ADNP: variants seen among roughly 807,000 people sequenced by gnomAD.
The protein encoded by ADNP is activity-dependent neuroprotector homeobox protein.
A neutral mutation model predicts 84.9 loss-of-function variants in ADNP; 4 were observed. The observed-to-expected ratio is 0.05, with a 90% confidence interval of 0.02 to 0.11. The LOEUF (loss-of-function observed/expected upper bound fraction) is 0.11, where lower values mean the gene tolerates loss of function less well. ADNP is among the 10% of genes least tolerant of loss of function. ADNP has a pLI of 1.00. For synonymous variants in ADNP, 554 were observed against 468.1 expected (o/e 1.18, Z -2.37); for missense variants, 1,132 against 1,326.0 (o/e 0.85, Z 2.27).
At chr20:50,920,262 C>CA (rs56181933) in intron 2 of ADNP, among the ~76,000 whole-genome samples, 5,916 of 64,350 alleles carry the variant, frequency 0.092, 214 homozygotes, top group Non-Finnish European at 0.12. Flanking sequence ...ATTCCACCTC[C>CA]AAAAAAAAAA....
At chr20:50,926,761 GT>G (rs1301995639) in intron 2 of ADNP, among the ~76,000 whole-genome samples, 5 of 152,024 alleles carry the variant, frequency 3.3e-5, no homozygotes, top group African/African-American at 7.2e-5. Context: ...ATGCAGTTTT[GT>G]TACTTATATA....
At chr20:50,930,583 G>C (rs1377337353) in intron 1 of ADNP, among the ~76,000 whole-genome samples, 1 of 152,184 alleles carries the variant, frequency 6.6e-6, no homozygotes, top group Non-Finnish European at 1.5e-5. Flanking sequence ...GCGGAGAAGG[G>C]GGTCGGGCTG....
At position 50,902,036 on chromosome 20, in the gene ADNP, G is replaced by A; in HGVS notation, c.182C>T (p.Pro61Leu). Residue 61 changes from proline to leucine, a missense_variant, in exon 5 of 6, where the codon CCA becomes CTA. Pro to Leu is a moderately conservative substitution (Grantham distance 98). Around this residue, in one of 10 missense-constraint regions of ADNP, gnomAD observed 56 missense variants for 94.6 expected, o/e 0.59. Coordinates refer to ENST00000621696, the MANE Select transcript of ADNP (RefSeq NM_001282531.3). ...ACTTACCTGGTTTTTCGTAAGTGAT[G>A]GGTCCCACAGTCCTACATCCTCCCA... The part of the protein sequence containing the change: ...TTWEDVGLWD[P>L]SLTKNQDYRT... 6.2e-7 allele frequency: 1 copy of A among 1,613,624 alleles called. No homozygotes were observed. The highest frequency in any genetic ancestry group is 8.5e-7 in the Non-Finnish European group (1 of 1,179,626).
intron 5 of ADNP, among the ~76,000 whole-genome samples, chr20:50,899,493 G>C (rs2143536): frequency 0.036 from 5,428 of 152,266 alleles, 223 homozygotes; most frequent in African/African-American, 0.086. Flanking sequence ...TTATAGGCAT[G>C]AGCCCAGCGC....
At position 50,904,852 on chromosome 20, in the gene ADNP, T is replaced by TTAAAAC. The variant is rs1165768385; in HGVS notation, c.-89-9_-89-4dup. The TTAAAAC allele has an allele frequency of 6.6e-6, 1 of 151,710 alleles. No homozygotes were observed. The highest frequency in any genetic ancestry group is 1.5e-5 in the Non-Finnish European group (1 of 67,844). The allele number at this position is 151,710 out of a possible 1,614,324, so 9.4% of individuals were successfully genotyped here. ...GTCCTGCCTACTGCTACGGTATTCTTTAAAACAAAAACAAAAACAAAAACA... is the reference window on the plus strand; with the variant it reads ...GTCCTGCCTACTGCTACGGTATTCTTTAAAACTAAAACAAAAACAAAAACAAAAACA... On this transcript the variant is annotated splice_polypyrimidine_tract_variant and splice_region_variant and intron_variant, in intron 2 of 5. Transcript: ENST00000621696.
intron 2 of ADNP, among the ~76,000 whole-genome samples, chr20:50,915,469 C>T (rs1983437903): frequency 6.6e-6 from 1 of 152,192 alleles, no homozygotes; most frequent in East Asian, 1.9e-4. Context: ...TACAGCCAGA[C>T]TGGAAACAAT....
intron 3 of ADNP, chr20:50,904,216 C>T (rs1982260187): frequency 1.9e-6 from 1 of 539,244 alleles, no homozygotes; most frequent in Admixed American, 3.2e-5. Flanking sequence ...TTTCTTAAGA[C>T]AGAGTCTTAC....
chr20:50,925,076 G>A (rs1202465930), intron 2 of ADNP, among the ~76,000 whole-genome samples: 1 of 152,128 alleles, frequency 6.6e-6, no homozygotes. Context: ...ACCAAAGCTT[G>A]TGAGTGAAAT....
chr20:50,930,425 G>T (rs984840246), intron 1 of ADNP, among the ~76,000 whole-genome samples: 20 of 151,466 alleles, frequency 1.3e-4, no homozygotes, highest in African/African-American at 4.6e-4. Flanking sequence ...AGGCATGGGG[G>T]TGTGCGTGGG....
chr20:50,916,727 G>A (rs1202113489), intron 2 of ADNP, among the ~76,000 whole-genome samples: 4 of 152,268 alleles, frequency 2.6e-5, no homozygotes, highest in African/African-American at 9.6e-5. Context: ...AAAATATGCA[G>A]TGCCTTTTCA....
At chr20:50,903,060 A>G (rs1161515957) in intron 4 of ADNP, among the ~76,000 whole-genome samples, 3 of 152,252 alleles carry the variant, frequency 2.0e-5, no homozygotes, top group African/African-American at 7.2e-5. Flanking sequence ...AATTCCATTC[A>G]AACACTTACT....
At chr20:50,907,262 C>G (rs549519087) in intron 2 of ADNP, among the ~76,000 whole-genome samples, 4 of 135,330 alleles carry the variant, frequency 3.0e-5, no homozygotes, top group African/African-American at 1.1e-4. Context: ...ACAGCCACCG[C>G]GCCCGGCATT....
chr20:50,906,849 TATAA>T (rs1982524904), intron 2 of ADNP, among the ~76,000 whole-genome samples: 1 of 152,180 alleles, frequency 6.6e-6, no homozygotes, highest in Admixed American at 6.5e-5. Context: ...TTAAAAGGCT[TATAA>T]ATAAAGCAGT....
intron 2 of ADNP, among the ~76,000 whole-genome samples, chr20:50,921,500 TCA>T (rs916463901): frequency 1.3e-5 from 2 of 152,100 alleles, no homozygotes; most frequent in African/African-American, 4.8e-5. Context: ...ATATGTGGAG[TCA>T]CTGGTCTTTT....
At chr20:50,913,928 T>C (rs1600978061) in intron 2 of ADNP, 1 of 671,928 alleles carries the variant, frequency 1.5e-6, no homozygotes, top group Non-Finnish European at 2.8e-6. Flanking sequence ...CAGTGAATGA[T>C]AAAGACTATG....
At position 50,902,089 on chromosome 20, in the gene ADNP, A is replaced by G; in HGVS notation, c.129T>C (p.Pro43=). 1 of 1,612,816 alleles carries G rather than the reference A, an allele frequency of 6.2e-7. No homozygotes were observed. The highest frequency in any genetic ancestry group is 8.5e-7 in the Non-Finnish European group (1 of 1,178,788). The change falls in exon 5 of 6, where the codon CCT becomes CCC. Residue 43 remains proline, a synonymous_variant. Coordinates refer to ENST00000621696, the MANE Select transcript of ADNP (RefSeq NM_001282531.3). ...EHIEDFKQFE[P]NDFYLKNTTW... ...TAGTGTTTTTCAAATAAAAGTCATT[A>G]GGTTCAAATTGTTTAAAATCCTAGA...
At position 50,890,941 on chromosome 20, in the gene ADNP, T is replaced by A. The variant is rs1287704326; in HGVS notation, c.*464A>T. Reference sequence around the variant, plus strand: ...CATCACTTGAATAGGTCTAAAAGACTGTACAAATATACATTTCAACTATTC... The same window carrying A: ...CATCACTTGAATAGGTCTAAAAGACAGTACAAATATACATTTCAACTATTC... On this transcript the variant is annotated 3_prime_UTR_variant, in exon 6 of 6. Coordinates refer to ENST00000621696, the MANE Select transcript of ADNP (RefSeq NM_001282531.3). 1.0e-6 allele frequency: 1 copy of A among 987,790 alleles called. No homozygotes were observed. Among genetic ancestry groups the A allele is most frequent in the Non-Finnish European group, 1.2e-6 (1 of 831,706 alleles). The allele number at this position is 987,790 out of a possible 1,614,324, so 61.2% of individuals were successfully genotyped here. A position where few individuals can be genotyped will look rare whatever the true frequency, so the allele number is the denominator to read the frequency against.
rs1259586238 is a variant in ADNP, at chr20:50,891,827, C to A, written c.2887G>T (p.Val963Phe). The A allele has an allele frequency of 6.2e-7, 1 of 1,614,216 alleles. No homozygotes were observed. Among genetic ancestry groups the A allele is most frequent in the Non-Finnish European group, 8.5e-7 (1 of 1,180,032 alleles). ...SDSEVDQDDV[V>F]EWKDGASPSE... ...GGAGAAGCACCGTCTTTCCACTCAA[C>A]AACATCGTCTTGGTCAACCTCACTA... The change falls in exon 6 of 6, where the codon GTT (valine) becomes TTT (phenylalanine). Residue 963 changes from valine (V) to phenylalanine (F), a missense_variant. By Grantham distance (50) the Val-to-Phe change is conservative. This residue lies in a region of ADNP where 381 missense variants were observed against 319.9 expected (regional missense o/e 1.19). Transcript: ENST00000621696.
At chr20:50,902,205 G>A in intron 4 of ADNP, 96 bp from the exon 5 acceptor site, 4 of 921,596 alleles carry the variant, frequency 4.3e-6, no homozygotes, top group Non-Finnish European at 6.8e-6. Flanking sequence ...GATGGGGAGA[G>A]GCACAGGAAA....
Sources: allele counts gnomAD v4.1 joint callset (sites outside exome capture counted in the v4.1 genomes callset), GRCh38; gene constraint gnomAD v4.1.1; regional missense constraint gnomAD v4.1.1; transcripts MANE v1.5; gene names NCBI Gene and HGNC (gene_info 2026-07-23, HGNC 2026-07-21).